The following ECPAS variants were observed in gnomAD, a reference collection of about 807,000 sequenced individuals.
The protein encoded by ECPAS is Ecm29 proteasome adaptor and scaffold, also known as proteasome adapter and scaffold protein ECM29.
In ECPAS, 70 loss-of-function variants were observed where a neutral mutation model predicts 255.1. The ratio of observed to expected loss-of-function variants is 0.27; its 90% CI spans 0.23 to 0.33. ECPAS has a LOEUF of 0.33. ECPAS is among the 10% of genes least tolerant of loss of function. The probability of loss-of-function intolerance (pLI) is 1.00; values close to 1 mark genes in which losing one functional copy is unlikely to be tolerated. For synonymous variants in ECPAS, 784 were observed against 775.0 expected, an observed-to-expected ratio of 1.01 and a Z score of -0.19; for missense variants, 1,817 against 2,206.4, an observed-to-expected ratio of 0.82 and a Z score of 3.54.
chr9:111,453,600 A>G (rs2098263178), intron 2 of ECPAS, among the ~76,000 whole-genome samples: 1 of 152,230 alleles, frequency 6.6e-6, no homozygotes, highest in Non-Finnish European at 1.5e-5. Context: ...TTAACTTCAC[A>G]GTAGAGAAAA....
Position 111,414,572 on chromosome 9 carries a change from T to G in ECPAS, c.1844A>C (p.Asp615Ala), listed in dbSNP as rs2098200133. 6.2e-7 allele frequency: 1 copy of G among 1,614,014 alleles called. No individual in the cohort carries two copies. The highest frequency in any genetic ancestry group is 1.3e-5 in the African/African-American group (1 of 75,072). Reference protein sequence around the residue: ...PTSQSLADMQDHAPAIGRYIR... With the variant: ...PTSQSLADMQAHAPAIGRYIR... ...GTAGCGCCCAATGGCTGGGGCATGA[T>G]CCTGCATATCAGCCAAACTCTGAGA... is the stretch of plus-strand genomic sequence containing the variant. Residue 615 changes from aspartate (D) to alanine (A), a missense_variant, in exon 19 of 50, where the codon GAT becomes GCT. Coordinates refer to ENST00000684092, the MANE Select transcript of ECPAS (RefSeq NM_001364929.1).
chr9:111,379,645 T>C (rs1197036417), intron 35 of ECPAS, among the ~76,000 whole-genome samples: 1 of 152,234 alleles, frequency 6.6e-6, no homozygotes, highest in East Asian at 1.9e-4. Flanking sequence ...TTGCCCACAT[T>C]AGAACGTCTT....
chr9:111,475,692 T>C (rs1303762567), intron 1 of ECPAS, among the ~76,000 whole-genome samples: 31 of 150,800 alleles, frequency 2.1e-4, no homozygotes, highest in Non-Finnish European at 8.8e-5. Flanking sequence ...GCCAAGATTG[T>C]GCCTCTGTAC....
chr9:111,420,651 G>T (rs1261116227), intron 15 of ECPAS, among the ~76,000 whole-genome samples: 1 of 152,116 alleles, frequency 6.6e-6, no homozygotes, highest in African/African-American at 2.4e-5. Context: ...AATTAACTAA[G>T]ATTAATAATC....
chr9:111,442,617 A>G (rs1463930885), intron 4 of ECPAS, among the ~76,000 whole-genome samples, 193 bp from the exon 5 acceptor site: 1 of 152,226 alleles, frequency 6.6e-6, no homozygotes, highest in African/African-American at 2.4e-5. Context: ...CAACTTAATC[A>G]AAATGCTTGC....
chr9:111,421,828 C>A, intron 15 of ECPAS, 93 bp downstream of exon 15: 1 of 1,410,852 alleles, frequency 7.1e-7, no homozygotes. Context: ...AAAGCAAATA[C>A]TCCTCTTATC....
At chr9:111,363,450 T>C in intron 49 of ECPAS, 138 bp downstream of exon 49, 1 of 464,522 alleles carries the variant, frequency 2.2e-6, no homozygotes. Flanking sequence ...CTTTGTCCAT[T>C]CTTCTTGCAT....
chr9:111,483,610 G>A (rs1237673482), intron 1 of ECPAS: 3 of 398,520 alleles, frequency 7.5e-6, no homozygotes, highest in Non-Finnish European at 1.0e-5. Context: ...CTCGCGGCTC[G>A]CGGTGCGGCA....
At chr9:111,373,843 G>T in intron 39 of ECPAS, 129 bp downstream of exon 39, 1 of 684,960 alleles carries the variant, frequency 1.5e-6, no homozygotes. Flanking sequence ...GGAGTCAGGG[G>T]ACTGAGGGGA....
In ECPAS at chr9:111,394,210, T is replaced by A; in HGVS notation, c.2872A>T (p.Ile958Phe). The A allele has an allele frequency of 6.2e-7, 1 of 1,610,376 alleles. No homozygotes were observed. The highest frequency in any genetic ancestry group is 2.2e-5 in the East Asian group (1 of 44,640). Residue 958 changes from isoleucine (I) to phenylalanine (F), a missense_variant, in exon 26 of 50, where the codon ATC (isoleucine) becomes TTC (phenylalanine). By Grantham distance (21) the Ile-to-Phe change is conservative. Transcript: ENST00000684092. The part of the protein sequence containing the change: ...PNPHVRQAAC[I>F]WLLSLVRKLS... ...TTCCTGACAAGGGAAAGGAGCCAGATGCAGGCTGCTTGCCTCACGTGTGGG... is the reference window on the plus strand; with the variant it reads ...TTCCTGACAAGGGAAAGGAGCCAGAAGCAGGCTGCTTGCCTCACGTGTGGG...
chr9:111,449,814 T>C (rs1443348460), intron 3 of ECPAS, among the ~76,000 whole-genome samples: 1 of 152,086 alleles, frequency 6.6e-6, no homozygotes, highest in Admixed American at 6.6e-5. Flanking sequence ...ACCTCTTTCC[T>C]CCTATCAGGC....
intron 18 of ECPAS, among the ~76,000 whole-genome samples, chr9:111,415,175 G>A (rs565450921): frequency 3.3e-5 from 5 of 151,474 alleles, no homozygotes; most frequent in South Asian, 2.1e-4. Flanking sequence ...ATGTACCCTC[G>A]AACCTAAAAT....
At chr9:111,441,621 A>C (rs2098246124) in intron 5 of ECPAS, among the ~76,000 whole-genome samples, 2 of 152,272 alleles carry the variant, frequency 1.3e-5, no homozygotes, top group Admixed American at 1.3e-4. Flanking sequence ...AACAGGTCTC[A>C]GTAATTCCTT....
chr9:111,385,199 T>G, intron 33 of ECPAS, 138 bp downstream of exon 33: 1 of 588,852 alleles, frequency 1.7e-6, no homozygotes, highest in Non-Finnish European at 3.0e-6. Flanking sequence ...ACAGACACAT[T>G]AAGACTGAAA....
intron 17 of ECPAS, 45 bp downstream of exon 17, chr9:111,417,838 C>A: frequency 6.8e-7 from 1 of 1,468,370 alleles, no homozygotes; most frequent in Admixed American, 2.6e-5. Context: ...TTATTTTCAT[C>A]ATCCATTATG....
intron 12 of ECPAS, among the ~76,000 whole-genome samples, chr9:111,424,636 A>G (rs1226464880): frequency 6.6e-6 from 1 of 152,206 alleles, no homozygotes; most frequent in African/African-American, 2.4e-5. Flanking sequence ...GGAATCAAAA[A>G]TTTACTGAAT....
chr9:111,438,270 T>G (rs564545459), intron 6 of ECPAS, among the ~76,000 whole-genome samples: 1 of 152,322 alleles, frequency 6.6e-6, no homozygotes, highest in East Asian at 1.9e-4. Context: ...ATTTCTAAGT[T>G]ATAGCAAGAC....
rs1040542688 is a variant in ECPAS, at chr9:111,425,689, C to T, written c.1136+54G>A. The T allele has an allele frequency of 1.5e-5, 17 of 1,113,456 alleles. No homozygotes were observed. In the African/African-American group the frequency reaches 1.9e-4, roughly 12 times the overall value. The allele number at this position is 1,113,456 out of a possible 1,614,324, so 69.0% of individuals were successfully genotyped here. A position where few individuals can be genotyped will look rare whatever the true frequency, so the allele number is the denominator to read the frequency against. ...TGAGTAAAACGATACACTTGAAGCACTCAATCATTCCAGCAGCTTGAAAAC... is the reference window on the plus strand; with the variant it reads ...TGAGTAAAACGATACACTTGAAGCATTCAATCATTCCAGCAGCTTGAAAAC... On this transcript the variant is annotated intron_variant, in intron 11 of 49. Coordinates refer to ENST00000684092, the MANE Select transcript of ECPAS (RefSeq NM_001364929.1).
At chr9:111,460,007 T>C (rs968609187) in intron 2 of ECPAS, among the ~76,000 whole-genome samples, 1 of 152,108 alleles carries the variant, frequency 6.6e-6, no homozygotes, top group South Asian at 2.1e-4. Context: ...AAATAAAAGA[T>C]ATTTCTCATG....
Sources: allele counts gnomAD v4.1 joint callset (sites outside exome capture counted in the v4.1 genomes callset), GRCh38; gene constraint gnomAD v4.1.1; transcripts MANE v1.5; gene names NCBI Gene and HGNC (gene_info 2026-07-23, HGNC 2026-07-21).